Variants in MAGI1 observed in about 807,000 individuals in gnomAD.
The protein encoded by MAGI1 is membrane-associated guanylate kinase, WW and PDZ domain-containing protein 1.
MAGI1 carries 58 observed loss-of-function variants against 139.9 expected under a neutral mutation model. The observed-to-expected ratio is 0.41, with a 90% CI of 0.34 to 0.52. MAGI1 has a LOEUF of 0.52. Among genes scored for constraint, MAGI1 ranks in the 20% least tolerant of loss-of-function variants. The pLI, the probability that MAGI1 is intolerant of heterozygous loss-of-function variation, is 0.12. For synonymous variants in MAGI1, 812 were observed against 737.9 expected, an observed-to-expected ratio of 1.10 and a Z score of -1.63; for missense variants, 1,874 against 1,901.6, an observed-to-expected ratio of 0.99 and a Z score of 0.27.
At chr3:65,434,445 G>C (rs542553444) in intron 10 of MAGI1, among the ~76,000 whole-genome samples, 2 of 152,260 alleles carry the variant, frequency 1.3e-5, no homozygotes, top group South Asian at 4.1e-4. Flanking sequence ...TTTCATAAGA[G>C]CAAATCTCCA....
chr3:65,829,041 C>G (rs72896078), intron 1 of MAGI1, among the ~76,000 whole-genome samples: 1 of 152,128 alleles, frequency 6.6e-6, no homozygotes, highest in African/African-American at 2.4e-5. Flanking sequence ...CCAAGGAAAA[C>G]GATCTTTACC....
intron 1 of MAGI1, among the ~76,000 whole-genome samples, chr3:65,867,497 G>A (rs539946753): frequency 4.6e-5 from 7 of 152,262 alleles, no homozygotes; most frequent in South Asian, 4.1e-4. Flanking sequence ...CACTGTGGGC[G>A]GCCGAAGTGA....
At chr3:65,416,147 T>A (rs6445475) in intron 12 of MAGI1, among the ~76,000 whole-genome samples, 55,012 of 152,124 alleles carry the variant, frequency 0.36, 10,700 homozygotes, top group African/African-American at 0.49. Context: ...TATGTAACTA[T>A]AAGAAAGCTT....
chr3:65,514,815 A>T (rs1007612938), intron 2 of MAGI1, among the ~76,000 whole-genome samples: 1 of 148,322 alleles, frequency 6.7e-6, no homozygotes, highest in African/African-American at 2.5e-5. Context: ...CTGGGTGTAT[A>T]CCCAAAGGAC....
chr3:65,508,565 T>C (rs2077404404), intron 2 of MAGI1, among the ~76,000 whole-genome samples: 1 of 152,114 alleles, frequency 6.6e-6, no homozygotes, highest in Non-Finnish European at 1.5e-5. Context: ...GTCAGGTGAG[T>C]GCTTTGCCTT....
At chr3:65,584,086 G>GAAAAAAAAAAAAAAAAAAAAAA in intron 2 of MAGI1, among the ~76,000 whole-genome samples, 1 of 95,860 alleles carries the variant, frequency 1.0e-5, no homozygotes, top group Non-Finnish European at 1.9e-5. Flanking sequence ...ATCTACTCTT[G>GAAAAAAAAAAAAAAAAAAAAAA]AAAAAAAAAA....
chr3:65,400,818 G>A (rs1249926393), intron 13 of MAGI1, among the ~76,000 whole-genome samples: 1 of 115,092 alleles, frequency 8.7e-6, no homozygotes, highest in Non-Finnish European at 1.6e-5. Flanking sequence ...GCATAATGCT[G>A]CTAAAGCTGG....
chr3:65,442,691 A>T, intron 8 of MAGI1, 101 bp downstream of exon 8: 1 of 715,950 alleles, frequency 1.4e-6, no homozygotes, highest in East Asian at 2.6e-5. Context: ...AATATTGTTA[A>T]TTGGTTTGTG....
intron 1 of MAGI1, among the ~76,000 whole-genome samples, chr3:65,842,412 G>A (rs544431392): frequency 6.7e-6 from 1 of 150,374 alleles, no homozygotes; most frequent in Non-Finnish European, 1.5e-5. Context: ...CCAGGCTGGA[G>A]TGCAATGGCG....
chr3:65,681,694 A>T (rs2087601522), intron 1 of MAGI1, among the ~76,000 whole-genome samples: 1 of 152,224 alleles, frequency 6.6e-6, no homozygotes, highest in Non-Finnish European at 1.5e-5. Context: ...CAAAGCACTC[A>T]TAGATAACAA....
intron 1 of MAGI1, among the ~76,000 whole-genome samples, chr3:65,809,561 C>T (rs957331841): frequency 2.0e-5 from 3 of 152,130 alleles, no homozygotes; most frequent in Non-Finnish European, 4.4e-5. Context: ...CCCAGTCCCA[C>T]CATCCTGCAG....
chr3:65,354,353 T>C lies in MAGI1; in HGVS notation c.*2025A>G, dbSNP rs1940110400. 1 of 152,676 alleles carries C rather than the reference T, an allele frequency of 6.5e-6. No individual in the cohort carries two copies. The highest frequency in any genetic ancestry group is 1.5e-5 in the Non-Finnish European group (1 of 68,038). The allele number at this position is 152,676 out of a possible 1,614,324, so 9.5% of individuals were successfully genotyped here. A position where few individuals can be genotyped will look rare whatever the true frequency, so the allele number is the denominator to read the frequency against. On this transcript the variant is annotated 3_prime_UTR_variant, in exon 23 of 23. Transcript: ENST00000402939. ...TGTTCCAGGAAAGGAACTTGTTTTA[T>C]AAATGTCCACACAACTACAGCTACT... is the stretch of plus-strand genomic sequence containing the variant.
intron 2 of MAGI1, among the ~76,000 whole-genome samples, chr3:65,547,756 GATAGC>G (rs1326506550): frequency 2.0e-5 from 3 of 152,148 alleles, no homozygotes; most frequent in Non-Finnish European, 2.9e-5. Context: ...ATGAAGAGCT[GATAGC>G]AGTGTTTGCC....
intron 1 of MAGI1, among the ~76,000 whole-genome samples, chr3:65,930,371 G>A (rs907766854): frequency 3.4e-5 from 5 of 147,362 alleles, no homozygotes. Flanking sequence ...AAAAACCAAG[G>A]TCTTTCCATT....
At chr3:65,728,680 G>A (rs17073579) in intron 1 of MAGI1, among the ~76,000 whole-genome samples, 33,479 of 152,016 alleles carry the variant, frequency 0.22, 4,706 homozygotes, top group African/African-American at 0.39. Flanking sequence ...TGTCAGAAGA[G>A]AAACAACTGT....
intron 3 of MAGI1, among the ~76,000 whole-genome samples, chr3:65,487,060 G>C (rs1484896201): frequency 1.3e-5 from 2 of 152,168 alleles, no homozygotes; most frequent in Non-Finnish European, 2.9e-5. Flanking sequence ...CACCAACGTG[G>C]TTCAAAGCCA....
chr3:65,626,915 CA>C (rs1272332942), intron 1 of MAGI1, among the ~76,000 whole-genome samples: 1 of 152,188 alleles, frequency 6.6e-6, no homozygotes, highest in Non-Finnish European at 1.5e-5. Flanking sequence ...TACTAATTGT[CA>C]AGGGCAGTGA....
intron 2 of MAGI1, among the ~76,000 whole-genome samples, chr3:65,604,108 T>G (rs1435242858): frequency 6.6e-6 from 1 of 152,132 alleles, no homozygotes; most frequent in Non-Finnish European, 1.5e-5. Context: ...AATTATAAGA[T>G]TCAACTTTCA....
At chr3:65,534,690 T>C (rs1252123276) in intron 2 of MAGI1, among the ~76,000 whole-genome samples, 1 of 152,090 alleles carries the variant, frequency 6.6e-6, no homozygotes, top group Non-Finnish European at 1.5e-5. Flanking sequence ...TCAATTCACA[T>C]TGACTGTGAT....
Sources: allele counts gnomAD v4.1 joint callset (sites outside exome capture counted in the v4.1 genomes callset), GRCh38; gene constraint gnomAD v4.1.1; transcripts MANE v1.5; gene names NCBI Gene and HGNC (gene_info 2026-07-23, HGNC 2026-07-21).